The following IGSF11 variants were observed in gnomAD, a reference collection of about 807,000 sequenced individuals.
IGSF11 encodes the protein CXADR like 1.
In IGSF11, 22 loss-of-function variants were observed where a neutral mutation model predicts 41.0. The observed-to-expected ratio is 0.54, with a 90% CI of 0.38 to 0.77. The LOEUF (loss-of-function observed/expected upper bound fraction) is 0.77, where lower values mean the gene tolerates loss of function less well. IGSF11 is among the 30% of genes least tolerant of loss of function. IGSF11 has a pLI of 0.00. For missense variants in IGSF11, 444 were observed against 530.8 expected, an observed-to-expected ratio of 0.84 and a Z score of 1.61; for synonymous variants, 219 against 201.3, an observed-to-expected ratio of 1.09 and a Z score of -0.74.
chr3:119,045,092 T>C (rs1440810805), intron 1 of IGSF11, among the ~76,000 whole-genome samples: 1 of 152,234 alleles, frequency 6.6e-6, no homozygotes, highest in East Asian at 1.9e-4. Flanking sequence ...ATGCTCCACT[T>C]AAAAAATAGA....
At chr3:119,007,276 A>T (rs1373413372) in intron 1 of IGSF11, among the ~76,000 whole-genome samples, 3 of 138,158 alleles carry the variant, frequency 2.2e-5, no homozygotes, top group Admixed American at 7.0e-5. Context: ...GAACTCCCTG[A>T]CCCCTTGCGC....
At chr3:119,136,241 GGAAA>G (rs2077560133) in intron 1 of IGSF11, among the ~76,000 whole-genome samples, 1 of 151,394 alleles carries the variant, frequency 6.6e-6, no homozygotes, top group African/African-American at 2.4e-5. Context: ...AAGACAGAAA[GGAAA>G]GAAAGAAGGA....
intron 1 of IGSF11, among the ~76,000 whole-genome samples, chr3:119,082,800 G>A (rs6785914): frequency 0.31 from 47,293 of 152,034 alleles, 7,859 homozygotes; most frequent in Middle Eastern, 0.39. Context: ...GAAGAATCTA[G>A]GAGGTATGAT....
chr3:118,959,691 G>C (rs911117620), intron 1 of IGSF11, among the ~76,000 whole-genome samples: 1 of 152,270 alleles, frequency 6.6e-6, no homozygotes, highest in East Asian at 1.9e-4. Context: ...CTTGATTAGA[G>C]AGAATAGCTG....
intron 1 of IGSF11, among the ~76,000 whole-genome samples, chr3:119,021,312 GATT>G (rs1258655876): frequency 2.6e-5 from 4 of 152,068 alleles, no homozygotes; most frequent in Admixed American, 6.5e-5. Flanking sequence ...AGATGATGAA[GATT>G]ATGTTAATGA....
At chr3:119,053,832 G>C (rs1941719641) in intron 1 of IGSF11, among the ~76,000 whole-genome samples, 1 of 152,076 alleles carries the variant, frequency 6.6e-6, no homozygotes, top group South Asian at 2.1e-4. Flanking sequence ...TAGACCAATG[G>C]AACAGAAAAG....
At chr3:118,904,446 G>A (rs1234312014) in intron 6 of IGSF11, among the ~76,000 whole-genome samples, 1 of 152,146 alleles carries the variant, frequency 6.6e-6, no homozygotes, top group Non-Finnish European at 1.5e-5. Context: ...GCACATGCTG[G>A]ACCTTTCCCT....
intron 1 of IGSF11, among the ~76,000 whole-genome samples, chr3:119,125,211 C>A (rs1267761884): frequency 1.3e-5 from 2 of 152,172 alleles, no homozygotes; most frequent in East Asian, 3.8e-4. Flanking sequence ...AATAAGAAAT[C>A]ATCTGAAAGG....
At chr3:118,937,097 C>T (rs1485476185) in intron 1 of IGSF11, among the ~76,000 whole-genome samples, 1 of 152,152 alleles carries the variant, frequency 6.6e-6, no homozygotes, top group African/African-American at 2.4e-5. Flanking sequence ...AGAACACTTC[C>T]CTCTGGGAAT....
chr3:119,094,883 G>C (rs1285306537), intron 1 of IGSF11, among the ~76,000 whole-genome samples: 1 of 151,872 alleles, frequency 6.6e-6, no homozygotes, highest in Non-Finnish European at 1.5e-5. Context: ...CATTGGCCAG[G>C]CTGGTCTCGA....
At chr3:119,127,796 G>A (rs1222860064) in intron 1 of IGSF11, among the ~76,000 whole-genome samples, 4 of 152,140 alleles carry the variant, frequency 2.6e-5, no homozygotes, top group Non-Finnish European at 5.9e-5. Flanking sequence ...TTCATATCCA[G>A]CCAAATGAAG....
intron 1 of IGSF11, among the ~76,000 whole-genome samples, chr3:118,975,762 C>CA (rs1934025530): frequency 6.6e-6 from 1 of 152,082 alleles, no homozygotes; most frequent in Admixed American, 6.6e-5. Flanking sequence ...TGAATTAATG[C>CA]AAGAACATAA....
chr3:118,968,238 T>C (rs1375336512), intron 1 of IGSF11, among the ~76,000 whole-genome samples: 1 of 152,176 alleles, frequency 6.6e-6, no homozygotes, highest in African/African-American at 2.4e-5. Context: ...AACGCACGAC[T>C]AGGGGAAGGT....
intron 1 of IGSF11, among the ~76,000 whole-genome samples, chr3:118,952,230 TGTTGATGG>T (rs1944624815): frequency 1.3e-5 from 2 of 152,164 alleles, no homozygotes; most frequent in African/African-American, 4.8e-5. Flanking sequence ...CTTGCCTCAA[TGTTGATGG>T]CTGCTGAATG....
chr3:119,009,567 T>A (rs1937846369), intron 1 of IGSF11, among the ~76,000 whole-genome samples: 1 of 152,202 alleles, frequency 6.6e-6, no homozygotes, highest in Non-Finnish European at 1.5e-5. Context: ...ACCATGACTA[T>A]AAGTTTCCTG....
chr3:119,100,778 A>T (rs1360146577), intron 1 of IGSF11, among the ~76,000 whole-genome samples: 1 of 152,218 alleles, frequency 6.6e-6, no homozygotes, highest in South Asian at 2.1e-4. Context: ...TTAGTCAAGG[A>T]TAAGTGATAT....
Position 118,902,468 on chromosome 3 carries a change from T to G in IGSF11, c.*52A>C. The G allele has an allele frequency of 6.5e-6, 3 of 459,248 alleles. No homozygotes were observed. Among genetic ancestry groups the G allele is most frequent in the Non-Finnish European group, 8.8e-6 (2 of 226,300 alleles). 28.4% of individuals were successfully genotyped at this position (459,248 alleles called of 1,614,324 possible). On this transcript the variant is annotated 3_prime_UTR_variant, in exon 7 of 7. Coordinates refer to ENST00000393775, the MANE Select transcript of IGSF11 (RefSeq NM_001015887.3). The stretch of plus-strand genomic sequence containing the variant: ...GCACTCCCCACCCCACCCTCCCCCT[T>G]GTATGAGGGCATTCCATTTATTCAT...
Position 119,053,844 on chromosome 3 carries a change from G to A in IGSF11, c.49+51300C>T, listed in dbSNP as rs548835959. ...ATATAGACCAATGGAACAGAAAAGAGAACCCAGAAATAAAGCCAAATACTT... is the reference window on the plus strand; with the variant it reads ...ATATAGACCAATGGAACAGAAAAGAAAACCCAGAAATAAAGCCAAATACTT... On this transcript the variant is annotated intron_variant, in intron 1 of 6. Transcript: ENST00000354673. 4.6e-5 allele frequency among the ~76,000 whole-genome samples: 7 copies of A among 152,174 alleles called. 1 individual carries two copies. In the South Asian group the frequency reaches 1.2e-3, roughly 27 times the overall value.
rs544609714 is a variant in IGSF11 at position 118,910,350 on chromosome 3, C to G, written c.581-4632G>C. ...TGATTCAGTGCCCCACAACAGGAAT[C>G]TGAGTTAACTCTGACTCTTCTGAGT... is the stretch of plus-strand genomic sequence containing the variant. On this transcript the variant is annotated intron_variant, in intron 4 of 6. Transcript: ENST00000393775. Among the ~76,000 whole-genome samples the G allele has an allele frequency of 7.9e-5, 12 of 152,336 alleles. No homozygotes were observed. In the South Asian group the frequency reaches 2.5e-3, roughly 32 times the overall value.
Sources: gnomAD v4.1 joint callset for allele counts (sites outside exome capture counted in the v4.1 genomes callset) on GRCh38, gnomAD v4.1.1 for gene constraint, MANE v1.5 for transcripts, NCBI Gene and HGNC (gene_info 2026-07-23, HGNC 2026-07-21) for gene names.